VPS35L: variants seen among roughly 807,000 people sequenced by gnomAD.
VPS35L encodes the protein VPS35 endosomal protein sorting factor like.
VPS35L carries 83 observed loss-of-function variants against 133.0 expected under a neutral mutation model. The observed-to-expected ratio is 0.62, with a 90% CI of 0.52 to 0.75. VPS35L has a LOEUF of 0.75. Ranked by LOEUF, VPS35L falls within the 30% of genes least tolerant of loss-of-function variation. The pLI is 0.00. For synonymous variants in VPS35L, 423 were observed against 449.9 expected (o/e 0.94, Z 0.76); for missense variants, 1,083 against 1,206.8 (o/e 0.90, Z 1.52).
Position 19,616,566 on chromosome 16 carries a change from G to A in VPS35L, c.1102-120G>A, listed in dbSNP as rs73535638. The A allele has an allele frequency of 1.2e-3, 1,572 of 1,271,786 alleles. 18 individuals are homozygous for A. The African/African-American group carries it at 0.021, about 17-fold the overall frequency. 78.8% of individuals were successfully genotyped at this position (1,271,786 alleles called of 1,614,324 possible). A position where few individuals can be genotyped will look rare whatever the true frequency, so the allele number is the denominator to read the frequency against. ...AAAAAAAAAACAACCGAGAAACCAG[G>A]CTATTTCTCTCAGGGCTGTCCACAT... On this transcript the variant is annotated intron_variant, in intron 13 of 30. Coordinates refer to ENST00000417362, the MANE Select transcript of VPS35L (RefSeq NM_020314.7).
rs2151528458 is a variant in VPS35L at position 19,591,866 on chromosome 16, A to G, written c.716A>G (p.Asp239Gly). ...TTTGTCCTTATCACCGACATACTTG[A>G]TACATTTGGTAAGTACCTGTCATAT... ...SKFVLITDIL[D>G]TFGKLVYERI... Residue 239 changes from aspartate (D) to glycine (G), a missense_variant, in exon 8 of 31, where the codon GAT becomes GGT. Physicochemically the swap from Asp to Gly is moderately conservative, Grantham distance 94 (BLOSUM62 -1). Coordinates refer to ENST00000417362, the MANE Select transcript of VPS35L (RefSeq NM_020314.7). The G allele has an allele frequency of 1.9e-6, 3 of 1,602,492 alleles. No homozygotes were observed. Among genetic ancestry groups the G allele is most frequent in the East Asian group, 2.2e-5 (1 of 44,790 alleles).
intron 2 of VPS35L, among the ~76,000 whole-genome samples, chr16:19,565,577 C>G (rs1483922694): frequency 6.6e-6 from 1 of 152,076 alleles, no homozygotes; most frequent in Non-Finnish European, 1.5e-5. Flanking sequence ...GGTCTCGAAC[C>G]CTTGACCTCA....
chr16:19,626,283 A>G, intron 15 of VPS35L, 60 bp downstream of exon 15: 1 of 1,294,510 alleles, frequency 7.7e-7, no homozygotes, highest in Non-Finnish European at 1.1e-6. Context: ...GCTATTTTTG[A>G]GCTTGGCCTG....
rs762741721 is a variant in VPS35L, at chr16:19,616,160, A to T, written c.1070A>T (p.Asn357Ile). 6.2e-7 allele frequency: 1 copy of T among 1,613,436 alleles called. No individual in the cohort carries two copies. The highest frequency in any genetic ancestry group is 2.2e-5 in the East Asian group (1 of 44,870). The change falls in exon 13 of 31, where the codon AAC becomes ATC. Residue 357 changes from asparagine (N) to isoleucine (I), a missense_variant. By Grantham distance (149) the Asn-to-Ile change is moderately radical. Coordinates refer to ENST00000417362, the MANE Select transcript of VPS35L (RefSeq NM_020314.7). ...APHLKETLNK[N>I]FFDFLLTFKQ... Reference sequence around the variant, plus strand: ...CATCTCAAAGAAACCCTAAATAAGAACTTTTTTGACTTCCTCCTTACGTTC... The same window carrying T: ...CATCTCAAAGAAACCCTAAATAAGATCTTTTTTGACTTCCTCCTTACGTTC...
intron 6 of VPS35L, 50 bp from the exon 7 acceptor site, chr16:19,581,475 C>A (rs757949023): frequency 1.3e-6 from 2 of 1,490,344 alleles, no homozygotes; most frequent in South Asian, 1.4e-5. Flanking sequence ...AGGGTGTAGT[C>A]GAGCAATGTT....
chr16:19,583,941 C>T (rs1377612168), intron 7 of VPS35L, among the ~76,000 whole-genome samples: 1 of 152,150 alleles, frequency 6.6e-6, no homozygotes, highest in African/African-American at 2.4e-5. Context: ...TCATAGCTCC[C>T]ACATATGAGT....
chr16:19,561,641 G>C (rs557623356), intron 1 of VPS35L, among the ~76,000 whole-genome samples: 1 of 152,168 alleles, frequency 6.6e-6, no homozygotes, highest in South Asian at 2.1e-4. Flanking sequence ...AAGATGGGGT[G>C]GGGGGATGAA....
At chr16:19,671,621 AC>A (rs1229750119) in intron 27 of VPS35L, among the ~76,000 whole-genome samples, 2 of 152,118 alleles carry the variant, frequency 1.3e-5, no homozygotes, top group Admixed American at 1.3e-4. Flanking sequence ...TACTAAAAAT[AC>A]AAAAATTAGC....
intron 8 of VPS35L, among the ~76,000 whole-genome samples, chr16:19,598,406 A>G (rs1277829236): frequency 6.6e-6 from 1 of 152,172 alleles, no homozygotes; most frequent in Admixed American, 6.5e-5. Context: ...ATCAAGTGTT[A>G]TTTCTCAAAA....
chr16:19,595,726 G>T (rs112499730), intron 8 of VPS35L, among the ~76,000 whole-genome samples: 3 of 152,166 alleles, frequency 2.0e-5, no homozygotes, highest in Admixed American at 2.0e-4. Context: ...TGTACTCCCC[G>T]GGCTGTAGTG....
chr16:19,575,968 C>T (rs1266742747), intron 5 of VPS35L, among the ~76,000 whole-genome samples: 1 of 142,536 alleles, frequency 7.0e-6, no homozygotes, highest in African/African-American at 2.6e-5. Context: ...CCAGCCTGGC[C>T]AACAATGTGA....
chr16:19,626,294 C>A, intron 15 of VPS35L, 71 bp downstream of exon 15: 1 of 1,127,512 alleles, frequency 8.9e-7, no homozygotes, highest in Non-Finnish European at 1.3e-6. Flanking sequence ...GCTTGGCCTG[C>A]TTACCTGGGT....
At chr16:19,616,606 ACAGT>A (rs1972901704) in intron 13 of VPS35L, 76 bp from the exon 14 acceptor site, 1 of 1,534,832 alleles carries the variant, frequency 6.5e-7, no homozygotes, top group East Asian at 2.3e-5. Flanking sequence ...ACAAGTATGC[ACAGT>A]CTGTGAGTTG....
intron 5 of VPS35L, among the ~76,000 whole-genome samples, chr16:19,577,495 G>T (rs550226029): frequency 2.0e-5 from 3 of 152,306 alleles, no homozygotes; most frequent in African/African-American, 7.2e-5. Context: ...ATGAGACTTT[G>T]TATGAATATA....
At chr16:19,586,550 G>T (rs946352250) in intron 7 of VPS35L, among the ~76,000 whole-genome samples, 1 of 151,996 alleles carries the variant, frequency 6.6e-6, no homozygotes, top group Admixed American at 6.6e-5. Context: ...ATGTTGGCCA[G>T]GCTGGTCTCG....
chr16:19,610,412 C>T lies in VPS35L; in HGVS notation c.1020C>T (p.Cys340=). 6.2e-7 allele frequency: 1 copy of T among 1,612,844 alleles called. No individual in the cohort carries two copies. The highest frequency in any genetic ancestry group is 8.5e-7 in the Non-Finnish European group (1 of 1,179,142). ...CGGTGTATGCCCGTGCCTACCTGTGCCGGGTAGGCCATGCGAGTCACTGCC... is the reference window on the plus strand; with the variant it reads ...CGGTGTATGCCCGTGCCTACCTGTGTCGGGTAGGCCATGCGAGTCACTGCC... ...LVSVYARAYL[C]RVGMEVAPHL... is the part of the protein sequence containing the mutation. Residue 340 remains cysteine, a synonymous_variant, in exon 12 of 31, where the codon TGC becomes TGT. Coordinates refer to ENST00000417362, the MANE Select transcript of VPS35L (RefSeq NM_020314.7).
chr16:19,635,025 A>C (rs1474033191), intron 19 of VPS35L, among the ~76,000 whole-genome samples: 2 of 152,184 alleles, frequency 1.3e-5, no homozygotes, highest in Non-Finnish European at 2.9e-5. Context: ...GCAGATTGAG[A>C]AGCATTTTAT....
At chr16:19,611,248 C>T (rs757488727) in intron 12 of VPS35L, among the ~76,000 whole-genome samples, 2 of 152,148 alleles carry the variant, frequency 1.3e-5, no homozygotes, top group Non-Finnish European at 2.9e-5. Flanking sequence ...GATCTGCCCA[C>T]GTTGGCCTCC....
chr16:19,601,584 G>T, intron 8 of VPS35L, 80 bp from the exon 9 acceptor site: 1 of 1,395,734 alleles, frequency 7.2e-7, no homozygotes, highest in Non-Finnish European at 1.0e-6. Flanking sequence ...GATAGCTCTG[G>T]GTCCCTAATT....
Sources: allele counts gnomAD v4.1 joint callset (sites outside exome capture counted in the v4.1 genomes callset), GRCh38; gene constraint gnomAD v4.1.1; transcripts MANE v1.5; gene names NCBI Gene and HGNC (gene_info 2026-07-23, HGNC 2026-07-21).